TBC1D5: variants seen among roughly 807,000 people sequenced by gnomAD.
TBC1D5 encodes TBC1 domain family member 5.
In TBC1D5, 75 loss-of-function variants were observed where a neutral mutation model predicts 100.3. That is an observed-to-expected ratio of 0.75 (90% CI 0.62 to 0.91). The LOEUF is 0.91. Ranked by LOEUF, TBC1D5 falls within the 40% of genes least tolerant of loss-of-function variation. The probability of loss-of-function intolerance (pLI) is 0.00; values close to 1 mark genes in which losing one functional copy is unlikely to be tolerated. For missense variants in TBC1D5, 910 were observed against 942.4 expected, an observed-to-expected ratio of 0.97 and a Z score of 0.45; for synonymous variants, 323 against 325.6, an observed-to-expected ratio of 0.99 and a Z score of 0.09.
intron 16 of TBC1D5, among the ~76,000 whole-genome samples, chr3:17,254,910 T>C (rs2077504851): frequency 6.6e-6 from 1 of 152,086 alleles, no homozygotes; most frequent in African/African-American, 2.4e-5. Context: ...TGAGAAACAT[T>C]GTGGGCATAA....
intron 18 of TBC1D5, among the ~76,000 whole-genome samples, chr3:17,191,365 C>T (rs778654334): frequency 1.3e-5 from 2 of 152,174 alleles, no homozygotes; most frequent in Non-Finnish European, 2.9e-5. Flanking sequence ...ATACTTTGCA[C>T]AGTGCTTAGG....
At chr3:17,335,300 A>G (rs891546238) in intron 13 of TBC1D5, among the ~76,000 whole-genome samples, 16 of 152,176 alleles carry the variant, frequency 1.1e-4, no homozygotes, top group Admixed American at 2.0e-4. Flanking sequence ...ATTATTATTA[A>G]CAGGATACAT....
rs370293376 is a variant in TBC1D5, at chr3:17,225,104, C to G, written c.1589-10734G>C. Among the ~76,000 whole-genome samples the G allele has an allele frequency of 4.6e-4, 70 of 152,198 alleles. 1 individual carries two copies. The South Asian group carries it at 0.013, about 29-fold the overall frequency. Reference sequence around the variant, plus strand: ...ACAGTCTACCGTCCATGTTCCACACCTGGATATTTAACCAACAGATCAAAA... The same window carrying G: ...ACAGTCTACCGTCCATGTTCCACACGTGGATATTTAACCAACAGATCAAAA... On this transcript the variant is annotated intron_variant, in intron 17 of 21. Transcript: ENST00000253692.
chr3:17,259,308 C>A (rs116710807), intron 15 of TBC1D5, among the ~76,000 whole-genome samples: 1 of 152,076 alleles, frequency 6.6e-6, no homozygotes, highest in Non-Finnish European at 1.5e-5. Flanking sequence ...ATTAGGTCCA[C>A]GGTGTCTGTT....
intron 1 of TBC1D5, among the ~76,000 whole-genome samples, chr3:17,727,103 C>A: frequency 6.6e-6 from 1 of 152,182 alleles, no homozygotes; most frequent in South Asian, 2.1e-4. Flanking sequence ...CAAAAATTGG[C>A]CGGACACAGT....
In TBC1D5 at chr3:17,536,734, C is replaced by T. The variant is rs369438816; in HGVS notation, c.-35-28129G>A. On this transcript the variant is annotated intron_variant, in intron 2 of 21. Coordinates refer to ENST00000253692, the Ensembl canonical transcript of TBC1D5. ...TAAATCAATACTTGGAAGGTATACA[C>T]TGATTTACCCCAAAAAGAGCATCTT... Among the ~76,000 whole-genome samples, 153 of 152,232 alleles carry T rather than the reference C, an allele frequency of 1.0e-3. 2 individuals are homozygous for T. The South Asian group carries it at 0.018, about 18-fold the overall frequency.
intron 3 of TBC1D5, among the ~76,000 whole-genome samples, chr3:17,471,670 CAAAAAAAA>C (rs753132440): frequency 4.5e-5 from 1 of 22,288 alleles, no homozygotes; most frequent in Non-Finnish European, 9.3e-5. Context: ...GACTCCGTCT[CAAAAAAAA>C]AAAAAAAAAA....
chr3:17,550,344 T>A (rs988881071), intron 2 of TBC1D5, among the ~76,000 whole-genome samples: 2 of 152,180 alleles, frequency 1.3e-5, no homozygotes, highest in Non-Finnish European at 2.9e-5. Context: ...CTGATTCCTA[T>A]CTGCAGTAAA....
chr3:17,162,208 T>C (rs1275135051), intron 21 of TBC1D5, among the ~76,000 whole-genome samples: 2 of 152,166 alleles, frequency 1.3e-5, no homozygotes, highest in Non-Finnish European at 2.9e-5. Context: ...CCCCACAGCA[T>C]GGGTGGAGTC....
chr3:17,734,160 T>A (rs2153991528), intron 1 of TBC1D5, among the ~76,000 whole-genome samples: 1 of 152,316 alleles, frequency 6.6e-6, no homozygotes, highest in East Asian at 1.9e-4. Context: ...TTGAAAGAAA[T>A]CTAAGTATCT....
At chr3:17,555,428 G>C (rs2153459192) in intron 2 of TBC1D5, among the ~76,000 whole-genome samples, 1 of 152,220 alleles carries the variant, frequency 6.6e-6, no homozygotes, top group East Asian at 1.9e-4. Context: ...AAGCAAAGGG[G>C]GCTTCCAGGT....
chr3:17,657,086 C>A lies in TBC1D5; in HGVS notation c.-100-33173G>T, dbSNP rs370532390. On this transcript the variant is annotated intron_variant, in intron 1 of 21. Coordinates refer to ENST00000253692, the Ensembl canonical transcript of TBC1D5. The stretch of plus-strand genomic sequence containing the variant: ...AAGTAAAAAAGGCCCGAATTTGAAC[C>A]TTGTCTGCTGAAGTCTATCTTTTAA... Among the ~76,000 whole-genome samples the A allele has an allele frequency of 2.0e-5, 3 of 152,064 alleles. No homozygotes were observed. In the South Asian group the frequency reaches 6.2e-4, roughly 31 times the overall value.
Position 17,542,523 on chromosome 3 carries a change from C to T in TBC1D5, c.-35-33918G>A, listed in dbSNP as rs376933742. ...ACCACACCCAGCCAAAATATCTTAT[C>T]ATATATAATATTTGCATATTGCAGT... is the stretch of plus-strand genomic sequence containing the variant. On this transcript the variant is annotated intron_variant, in intron 2 of 21. Coordinates refer to ENST00000253692, the Ensembl canonical transcript of TBC1D5. Among the ~76,000 whole-genome samples, 160 of 152,244 alleles carry T rather than the reference C, an allele frequency of 1.1e-3. 2 individuals carry two copies. The South Asian group carries it at 0.018, about 18-fold the overall frequency.
At chr3:17,517,056 C>G (rs1320624184) in intron 2 of TBC1D5, among the ~76,000 whole-genome samples, 1 of 152,190 alleles carries the variant, frequency 6.6e-6, no homozygotes, top group Non-Finnish European at 1.5e-5. Context: ...AATCCACTGG[C>G]AAATCTTGTC....
intron 17 of TBC1D5, among the ~76,000 whole-genome samples, chr3:17,232,310 A>T (rs2075492881): frequency 1.3e-5 from 2 of 152,194 alleles, no homozygotes; most frequent in Admixed American, 6.5e-5. Context: ...GAAGCCAAAG[A>T]TCTACTCTGT....
In TBC1D5 at chr3:17,701,374, T is replaced by A. The variant is rs187941124; in HGVS notation, c.-101+37969A>T. On this transcript the variant is annotated intron_variant, in intron 1 of 21. Transcript: ENST00000253692. The stretch of plus-strand genomic sequence containing the variant: ...ATAGCATTAGGAGAAATACCTAATG[T>A]AAATGACGAGCTGATGGGTGCAGCA... Among the ~76,000 whole-genome samples the A allele has an allele frequency of 2.1e-4, 32 of 152,204 alleles. No individual in the cohort carries two copies. In the East Asian group the frequency reaches 4.8e-3, roughly 23 times the overall value.
At chr3:17,538,076 T>C (rs781419670) in intron 2 of TBC1D5, among the ~76,000 whole-genome samples, 1 of 152,038 alleles carries the variant, frequency 6.6e-6, no homozygotes, top group African/African-American at 2.4e-5. Flanking sequence ...TTCCAGCTCA[T>C]AGGTATGTCA....
intron 2 of TBC1D5, among the ~76,000 whole-genome samples, chr3:17,592,882 G>A (rs1266698306): frequency 1.3e-5 from 2 of 152,144 alleles, no homozygotes; most frequent in African/African-American, 4.8e-5. Flanking sequence ...CCTGTTACTA[G>A]GCTTTTGTGG....
intron 1 of TBC1D5, among the ~76,000 whole-genome samples, chr3:17,729,632 G>A (rs2076398662): frequency 6.6e-6 from 1 of 152,044 alleles, no homozygotes; most frequent in African/African-American, 2.4e-5. Context: ...GCTTGAACCT[G>A]GGAGGCAGAG....
Sources: allele counts gnomAD v4.1 joint callset (sites outside exome capture counted in the v4.1 genomes callset), GRCh38; gene constraint gnomAD v4.1.1; transcripts MANE v1.5; gene names NCBI Gene and HGNC (gene_info 2026-07-23, HGNC 2026-07-21).